Variants in DNAH2 observed in about 807,000 individuals in gnomAD.
DNAH2 encodes axonemal beta dynein heavy chain 2.
A neutral mutation model predicts 523.5 loss-of-function variants in DNAH2; 323 were observed. That is an observed-to-expected ratio of 0.62 (90% confidence interval 0.56 to 0.68). The LOEUF is 0.68. Among genes scored for constraint, DNAH2 ranks in the 30% least tolerant of loss-of-function variants. The pLI is 0.00. For missense variants in DNAH2, 4,907 were observed against 5,701.5 expected, an observed-to-expected ratio of 0.86 and a Z score of 4.49; for synonymous variants, 2,093 against 2,177.4, an observed-to-expected ratio of 0.96 and a Z score of 1.08.
chr17:7,726,894 T>C (rs1427866110), intron 3 of DNAH2, among the ~76,000 whole-genome samples: 1 of 152,170 alleles, frequency 6.6e-6, no homozygotes, highest in Non-Finnish European at 1.5e-5. Flanking sequence ...CCAGTTTTCC[T>C]CTGTGATCTG....
In DNAH2 at chr17:7,781,139, T is replaced by C. The variant is rs1205078394; in HGVS notation, c.6101T>C (p.Ile2034Thr). The change falls in exon 39 of 86, where the codon ATT (isoleucine) becomes ACT (threonine). Residue 2034 changes from isoleucine (I) to threonine (T), a missense_variant. Coordinates refer to ENST00000572933, the MANE Select transcript of DNAH2 (RefSeq NM_020877.5). Reference protein sequence around the residue: ...NAIVQDLFPNIELPVIDYGKL... With the variant: ...NAIVQDLFPNTELPVIDYGKL... ...ATCGTGCAAGATCTGTTTCCCAACA[T>C]TGAGCTGCCTGTCATTGACTATGGC... The C allele has an allele frequency of 5.0e-6, 8 of 1,614,104 alleles. No homozygotes were observed. The highest frequency in any genetic ancestry group is 1.1e-5 in the South Asian group (1 of 91,088).
chr17:7,813,373 G>A (rs1410005518), intron 63 of DNAH2, among the ~76,000 whole-genome samples: 2 of 151,800 alleles, frequency 1.3e-5, no homozygotes, highest in East Asian at 1.9e-4. Context: ...TTACAGGTGT[G>A]AGCCACCATG....
In DNAH2 at chr17:7,802,014, A is replaced by G; in HGVS notation, c.8969A>G (p.Lys2990Arg). ...TKYLELLSGYKKLLGEKRQEL... is the reference protein window; with the variant it reads ...TKYLELLSGYRKLLGEKRQEL... ...TACCTGGAACTCCTGTCTGGATATA[A>G]GAAGTATGAAGGGGGGCAGGGGATG... Residue 2990 changes from lysine to arginine, a missense_variant, in exon 58 of 86, where the codon AAG becomes AGG. Physicochemically the swap from Lys to Arg is conservative, Grantham distance 26. Transcript: ENST00000572933. 6.2e-7 allele frequency: 1 copy of G among 1,614,076 alleles called. No individual in the cohort carries two copies. Among genetic ancestry groups the G allele is most frequent in the Non-Finnish European group, 8.5e-7 (1 of 1,179,940 alleles).
intron 7 of DNAH2, among the ~76,000 whole-genome samples, chr17:7,735,816 G>A (rs572103865): frequency 1.1e-4 from 16 of 151,990 alleles, no homozygotes; most frequent in East Asian, 3.9e-4. Context: ...GCAGTAGCGC[G>A]ATCTCGGCTC....
At chr17:7,829,715 G>A (rs569016960) in intron 77 of DNAH2, among the ~76,000 whole-genome samples, 6 of 152,112 alleles carry the variant, frequency 3.9e-5, no homozygotes, top group African/African-American at 1.4e-4. Flanking sequence ...GAGAACATCA[G>A]GGCCGAGAGG....
chr17:7,721,511 G>T (rs2074606330), intron 2 of DNAH2, among the ~76,000 whole-genome samples: 1 of 151,434 alleles, frequency 6.6e-6, no homozygotes, highest in Non-Finnish European at 1.5e-5. Context: ...CTGAATGCCA[G>T]CAGTTTTCCC....
chr17:7,831,333 G>T lies in DNAH2; in HGVS notation c.12459+19G>T, dbSNP rs1362109927. ...AGAGAAGGTAAAAAGAGCCGGGCCT[G>T]GGGGAGGGAAAGTGATGAGAAGAGG... On this transcript the variant is annotated intron_variant, in intron 80 of 85. Transcript: ENST00000572933. This position sits in a 1 kb window ranked among gnomAD's most constrained non-coding sequence, Gnocchi z 4.2. 7 of 1,613,984 alleles carry T rather than the reference G, an allele frequency of 4.3e-6. No homozygotes were observed. The Admixed American group carries it at 1.2e-4, about 27-fold the overall frequency.
At position 7,790,541 on chromosome 17, in the gene DNAH2, T is replaced by C. The variant is rs575117533; in HGVS notation, c.6901-1376T>C. Among the ~76,000 whole-genome samples the C allele has an allele frequency of 2.0e-5, 3 of 152,252 alleles. No homozygotes were observed. The South Asian group carries it at 6.2e-4, about 32-fold the overall frequency. On this transcript the variant is annotated intron_variant, in intron 44 of 85. Coordinates refer to ENST00000572933, the MANE Select transcript of DNAH2 (RefSeq NM_020877.5). ...CAGGCCACATTTTACATTTTAATTT[T>C]TAATTACACAGATAATTGTTGAATC...
intron 2 of DNAH2, among the ~76,000 whole-genome samples, chr17:7,721,675 C>G (rs919898970): frequency 2.0e-5 from 3 of 152,152 alleles, no homozygotes; most frequent in African/African-American, 4.8e-5. Flanking sequence ...TCCTCATGGT[C>G]TTTTGGTTAT....
chr17:7,767,768 T>C (rs1013103664), intron 22 of DNAH2, 132 bp from the exon 23 acceptor site: 3 of 1,158,456 alleles, frequency 2.6e-6, no homozygotes. Context: ...GAGAAAAATA[T>C]GTGGACTGAG....
intron 11 of DNAH2, among the ~76,000 whole-genome samples, chr17:7,741,236 C>CTTTCTTTCTTTCTTTCTT (rs1555540639): frequency 8.2e-5 from 7 of 85,596 alleles, no homozygotes; most frequent in South Asian, 7.7e-4. Context: ...TTTTCTCTCT[C>CTTTCTTTCTTTCTTTCTT]TCTTTCTTTC....
rs149418354 is a variant in DNAH2, at chr17:7,770,814, G to T, written c.4243G>T (p.Ala1415Ser). ...CCAGGTAGCTCTGTCTACCATGAAG[G>T]CATCACGCTTTGTCAAGGCCTTTGA... The part of the protein sequence containing the change: ...DNQVALSTMK[A>S]SRFVKAFEKD... The change falls in exon 27 of 86, where the codon GCA (alanine) becomes TCA (serine). Residue 1415 changes from alanine (A) to serine (S), a missense_variant. Coordinates refer to ENST00000572933, the MANE Select transcript of DNAH2 (RefSeq NM_020877.5). 8 of 1,614,166 alleles carry T rather than the reference G, an allele frequency of 5.0e-6. No homozygotes were observed. Among genetic ancestry groups the T allele is most frequent in the Non-Finnish European group, 6.8e-6 (8 of 1,180,012 alleles).
At position 7,743,031 on chromosome 17, in the gene DNAH2, C is replaced by T; in HGVS notation, c.1793C>T (p.Thr598Ile). ...GCCATTGATGAGCTGGTTCGAAAAA[C>T]CTTCCAAGAGTGGACATCAAGTCTG... ...VQAIDELVRK[T>I]FQEWTSSLDK... The change falls in exon 12 of 86, where the codon ACC (threonine) becomes ATC (isoleucine). Residue 598 changes from threonine to isoleucine, a missense_variant. Thr to Ile is a moderately conservative substitution (Grantham distance 89, BLOSUM62 -1). Around this residue, in one of 3 missense-constraint regions of DNAH2, gnomAD observed 2,806 missense variants for 3,190.8 expected, o/e 0.88. Transcript: ENST00000572933. The T allele has an allele frequency of 6.6e-7, 1 of 1,523,522 alleles. No homozygotes were observed. The highest frequency in any genetic ancestry group is 8.8e-7 in the Non-Finnish European group (1 of 1,139,576). The allele number at this position is 1,523,522 out of a possible 1,614,324, so 94.4% of individuals were successfully genotyped here.
chr17:7,721,555 T>TACTA (rs1597444971), intron 2 of DNAH2, among the ~76,000 whole-genome samples: 2 of 152,034 alleles, frequency 1.3e-5, no homozygotes, highest in African/African-American at 4.8e-5. Context: ...ACTCACCTAC[T>TACTA]ACTAAGCTCC....
rs2076933388 is a variant in DNAH2 at position 7,792,731 on chromosome 17, C to T, written c.7220C>T (p.Ala2407Val). Reference protein sequence around the residue: ...RYNYLVSSLVANQNPILLVGP... With the variant: ...RYNYLVSSLVVNQNPILLVGP... Reference sequence around the variant, plus strand: ...AACTACCTGGTGAGCAGCTTGGTGGCCAACCAGAATCCCATTCTGCTGGTG... The same window carrying T: ...AACTACCTGGTGAGCAGCTTGGTGGTCAACCAGAATCCCATTCTGCTGGTG... Residue 2407 changes from alanine to valine, a missense_variant, in exon 47 of 86, where the codon GCC becomes GTC. Physicochemically the swap from Ala to Val is moderately conservative, Grantham distance 64 (BLOSUM62 0). Transcript: ENST00000572933. The T allele has an allele frequency of 6.2e-7, 1 of 1,614,018 alleles. No individual in the cohort carries two copies. The highest frequency in any genetic ancestry group is 1.1e-5 in the South Asian group (1 of 91,088).
intron 44 of DNAH2, among the ~76,000 whole-genome samples, chr17:7,789,275 G>A (rs1005589985): frequency 3.3e-5 from 5 of 152,260 alleles, no homozygotes; most frequent in African/African-American, 1.2e-4. Flanking sequence ...AGGACGGGCT[G>A]GGTAGGGGAG....
In DNAH2 at chr17:7,833,117, A is replaced by G. The variant is rs765640549; in HGVS notation, c.13025A>G (p.Asp4342Gly). 1 of 1,612,804 alleles carries G rather than the reference A, an allele frequency of 6.2e-7. No individual in the cohort carries two copies. The highest frequency in any genetic ancestry group is 8.5e-7 in the Non-Finnish European group (1 of 1,179,994). The change falls in exon 85 of 86, where the codon GAC becomes GGC. Residue 4342 changes from aspartate (D) to glycine (G), a missense_variant. By Grantham distance (94) the Asp-to-Gly change is moderately conservative (BLOSUM62 -1). Transcript: ENST00000572933. ...CTGTACCTGGAAGGTGCTGGCTGGG[A>G]CCGGAAGAACTCCTGCTTGGTGGAG... ...RGLYLEGAGW[D>G]RKNSCLVEAE...
At chr17:7,720,945 G>A (rs2074581877) in intron 2 of DNAH2, among the ~76,000 whole-genome samples, 2 of 151,592 alleles carry the variant, frequency 1.3e-5, no homozygotes, top group African/African-American at 4.9e-5. Context: ...TGAATGTGTT[G>A]GCCTTCGAAC....
At position 7,798,295 on chromosome 17, in the gene DNAH2, A is replaced by G; in HGVS notation, c.8369A>G (p.Lys2790Arg). 1 of 1,612,896 alleles carries G rather than the reference A, an allele frequency of 6.2e-7. No homozygotes were observed. The highest frequency in any genetic ancestry group is 8.5e-7 in the Non-Finnish European group (1 of 1,179,046). ...DYTTFQIEVT[K>R]HYRKQEFRDD... Reference sequence around the variant, plus strand: ...ACCACCTTCCAGATCGAGGTCACCAAACATTATCGGAAGCAGGAGTTCCGA... The same window carrying G: ...ACCACCTTCCAGATCGAGGTCACCAGACATTATCGGAAGCAGGAGTTCCGA... Residue 2790 changes from lysine to arginine, a missense_variant, in exon 54 of 86, where the codon AAA becomes AGA. Around this residue, in one of 3 missense-constraint regions of DNAH2, gnomAD observed 1,851 missense variants for 2,139.4 expected, o/e 0.87. Transcript: ENST00000572933. The surrounding 1 kb of genome is among the most constrained non-coding windows in gnomAD (Gnocchi z 5.5).
Sources: gnomAD v4.1 joint callset for allele counts (sites outside exome capture counted in the v4.1 genomes callset) on GRCh38, gnomAD v4.1.1 for gene constraint, gnomAD v4.1.1 regional missense constraint, Gnocchi (gnomAD v3.1) non-coding constraint, MANE v1.5 for transcripts, NCBI Gene and HGNC (gene_info 2026-07-23, HGNC 2026-07-21) for gene names.